Variants in REDIC1 observed in about 807,000 individuals in gnomAD.
REDIC1 encodes HEI10 Interacting Protein 1.
chr12:39,872,090 G>A, the REDIC1 span: 9 of 664,816 alleles, frequency 1.4e-5, no homozygotes, highest in Admixed American at 8.3e-5. Flanking sequence ...TCAAATTAAC[G>A]TGGGAATTCA....
chr12:39,715,219 A>T, the REDIC1 span, among the ~76,000 whole-genome samples: 1 of 151,908 alleles, frequency 6.6e-6, no homozygotes, highest in African/African-American at 2.4e-5. Flanking sequence ...GTCCTTAATC[A>T]ATCTTGAGTT....
chr12:39,702,798 G>A, the REDIC1 span, among the ~76,000 whole-genome samples: 4 of 152,178 alleles, frequency 2.6e-5, no homozygotes, highest in Non-Finnish European at 5.9e-5. Flanking sequence ...ATCAATAAAT[G>A]TAATCCAGCA....
At chr12:39,795,308 T>C in the REDIC1 span, among the ~76,000 whole-genome samples, 1 of 151,972 alleles carries the variant, frequency 6.6e-6, no homozygotes, top group South Asian at 2.1e-4. Flanking sequence ...TCAAATCTGC[T>C]GATAAATCTA....
chr12:39,737,992 G>A, the REDIC1 span, among the ~76,000 whole-genome samples: 1 of 152,158 alleles, frequency 6.6e-6, no homozygotes, highest in Non-Finnish European at 1.5e-5. Context: ...CAGTAACACA[G>A]AGAATAACTT....
chr12:39,712,690 C>T, the REDIC1 span, among the ~76,000 whole-genome samples: 66 of 3,392 alleles, frequency 0.019, no homozygotes, highest in Non-Finnish European at 0.038. Flanking sequence ...TGTATATATA[C>T]GTATACGTGT....
the REDIC1 span, among the ~76,000 whole-genome samples, chr12:39,895,515 T>A: frequency 2.9e-3 from 2 of 696 alleles, no homozygotes; most frequent in Non-Finnish European, 4.4e-3. Context: ...AAAAAAAAAT[T>A]ATATATATAT....
chr12:39,864,991 G>A, the REDIC1 span: 2 of 991,462 alleles, frequency 2.0e-6, no homozygotes, highest in South Asian at 2.1e-5. Flanking sequence ...AAAAACTCCT[G>A]AAAAAAAAAT....
chr12:39,753,494 CA>C, the REDIC1 span, among the ~76,000 whole-genome samples: 1 of 152,098 alleles, frequency 6.6e-6, no homozygotes, highest in African/African-American at 2.4e-5. Flanking sequence ...AACTGCCATT[CA>C]GGAGGACACA....
At chr12:39,772,006 C>T in the REDIC1 span, among the ~76,000 whole-genome samples, 94 of 152,222 alleles carry the variant, frequency 6.2e-4, 1 homozygote, top group African/African-American at 2.2e-3. Context: ...ACCTCATCAC[C>T]CAAGGCCTGT....
At chr12:39,641,419 A>G in the REDIC1 span, among the ~76,000 whole-genome samples, 10 of 151,826 alleles carry the variant, frequency 6.6e-5, no homozygotes, top group African/African-American at 2.2e-4. Flanking sequence ...ACCCTTGTAC[A>G]TGTGCCCTTT....
At chr12:39,642,849 C>T in the REDIC1 span, among the ~76,000 whole-genome samples, 1 of 151,714 alleles carries the variant, frequency 6.6e-6, no homozygotes, top group East Asian at 1.9e-4. Context: ...ATTGGCAAGT[C>T]TGTTATAGTT....
At chr12:39,658,055 A>C in the REDIC1 span, among the ~76,000 whole-genome samples, 6 of 149,566 alleles carry the variant, frequency 4.0e-5, no homozygotes, top group African/African-American at 9.8e-5. Context: ...ATTTTGAAAT[A>C]TTATGTTTTC....
the REDIC1 span, among the ~76,000 whole-genome samples, chr12:39,744,541 G>A: frequency 6.6e-6 from 1 of 152,168 alleles, no homozygotes; most frequent in African/African-American, 2.4e-5. Context: ...ATAAGGGATG[G>A]AAGGGAGGAA....
chr12:39,795,453 A>G, the REDIC1 span, among the ~76,000 whole-genome samples: 1 of 152,126 alleles, frequency 6.6e-6, no homozygotes, highest in Admixed American at 6.6e-5. Flanking sequence ...CAGTGATTTT[A>G]TATTTGTCTA....
At chr12:39,713,798 T>C in the REDIC1 span, among the ~76,000 whole-genome samples, 3 of 148,994 alleles carry the variant, frequency 2.0e-5, no homozygotes, top group Non-Finnish European at 4.5e-5. Context: ...CATAGATGTA[T>C]ATATGCATGT....
chr12:39,830,225 G>A, the REDIC1 span: 4 of 1,611,904 alleles, frequency 2.5e-6, no homozygotes, highest in Non-Finnish European at 3.4e-6. Flanking sequence ...ATTCATTACA[G>A]TAACTGAAAA....
chr12:39,780,252 C>G, the REDIC1 span, among the ~76,000 whole-genome samples: 2 of 152,288 alleles, frequency 1.3e-5, no homozygotes, highest in East Asian at 3.9e-4. Flanking sequence ...ACAGTGACAG[C>G]AGTGTTTCAA....
the REDIC1 span, among the ~76,000 whole-genome samples, chr12:39,810,790 G>A: frequency 2.0e-5 from 3 of 152,120 alleles, no homozygotes; most frequent in East Asian, 3.9e-4. Flanking sequence ...GAATACAGAT[G>A]TTAAATCAAC....
the REDIC1 span, chr12:39,646,832 T>C: frequency 6.4e-7 from 1 of 1,571,406 alleles, no homozygotes; most frequent in Non-Finnish European, 8.6e-7. Context: ...AATTTTTCTT[T>C]TCATTAGTGT....
Sources: allele counts gnomAD v4.1 joint callset (sites outside exome capture counted in the v4.1 genomes callset), GRCh38; gene constraint gnomAD v4.1.1; transcripts MANE v1.5; gene names NCBI Gene and HGNC (gene_info 2026-07-23, HGNC 2026-07-21).